Variants in SLC4A5 observed in about 807,000 individuals in gnomAD.
SLC4A5 encodes the protein solute carrier family 4 member 5.
SLC4A5 carries 96 observed loss-of-function variants against 120.4 expected under a neutral mutation model. The observed-to-expected ratio is 0.80, with a 90% confidence interval of 0.68 to 0.94. The LOEUF is 0.94. SLC4A5 is among the 40% of genes least tolerant of loss of function. The pLI is 0.00. For missense variants in SLC4A5, 1,259 were observed against 1,459.5 expected (o/e 0.86, Z 2.24); for synonymous variants, 550 against 571.1 (o/e 0.96, Z 0.53).
At chr2:74,221,558 C>A (rs1446838461) in intron 29 of SLC4A5, 57 bp from the exon 30 acceptor site, 11 of 1,540,590 alleles carry the variant, frequency 7.1e-6, no homozygotes, top group Non-Finnish European at 9.9e-6. Context: ...CATATTTCTC[C>A]GGGCTTCCCC....
intron 5 of SLC4A5, among the ~76,000 whole-genome samples, chr2:74,323,127 C>T (rs1673135401): frequency 6.6e-6 from 1 of 152,124 alleles, no homozygotes; most frequent in African/African-American, 2.4e-5. Flanking sequence ...GTAATCCCAG[C>T]TACTTGGGAG....
At chr2:74,317,933 C>A (rs1673006553) in intron 5 of SLC4A5, among the ~76,000 whole-genome samples, 1 of 152,266 alleles carries the variant, frequency 6.6e-6, no homozygotes, top group African/African-American at 2.4e-5. Context: ...CAAGAATCAC[C>A]AGAATGACAG....
chr2:74,237,865 G>C (rs574323082), intron 21 of SLC4A5, among the ~76,000 whole-genome samples: 2 of 152,282 alleles, frequency 1.3e-5, no homozygotes, highest in African/African-American at 4.8e-5. Context: ...ACTTTGGGAG[G>C]CTGAGGTGGG....
At chr2:74,329,084 C>T (rs1162231988) in intron 4 of SLC4A5, among the ~76,000 whole-genome samples, 36 of 152,032 alleles carry the variant, frequency 2.4e-4, no homozygotes, top group Admixed American at 2.2e-3. Flanking sequence ...TGGCTCTCTG[C>T]TGACAAAAGG....
At chr2:74,316,787 A>G (rs1359686493) in intron 5 of SLC4A5, among the ~76,000 whole-genome samples, 1 of 152,216 alleles carries the variant, frequency 6.6e-6, no homozygotes, top group Non-Finnish European at 1.5e-5. Flanking sequence ...CCCCTGCTCC[A>G]TAAGCCATAA....
chr2:74,279,211 T>C (rs1026401102), intron 8 of SLC4A5, among the ~76,000 whole-genome samples: 1 of 152,256 alleles, frequency 6.6e-6, no homozygotes, highest in Non-Finnish European at 1.5e-5. Flanking sequence ...GACAAGCATC[T>C]TGGAAGAACT....
At chr2:74,223,814 C>T (rs1694744930) in intron 28 of SLC4A5, among the ~76,000 whole-genome samples, 1 of 152,186 alleles carries the variant, frequency 6.6e-6, no homozygotes. Context: ...CCTGGAAGAG[C>T]ACAGTAATTA....
chr2:74,287,306 G>A (rs1277579259), intron 7 of SLC4A5, among the ~76,000 whole-genome samples: 2 of 152,146 alleles, frequency 1.3e-5, no homozygotes, highest in Admixed American at 1.3e-4. Context: ...GAGGGCTTGG[G>A]CTGGGGGATG....
chr2:74,246,565 T>C (rs1197324507), intron 19 of SLC4A5, among the ~76,000 whole-genome samples: 1 of 152,206 alleles, frequency 6.6e-6, no homozygotes, highest in Admixed American at 6.5e-5. Flanking sequence ...ACTCTGGACA[T>C]GTTTCCATCT....
At chr2:74,318,108 CAAAGT>C (rs1558912266) in intron 5 of SLC4A5, among the ~76,000 whole-genome samples, 2 of 151,844 alleles carry the variant, frequency 1.3e-5, no homozygotes, top group African/African-American at 4.8e-5. Flanking sequence ...AAACAATGAA[CAAAGT>C]AAACAGACAA....
At chr2:74,282,435 C>T (rs1671843093) in intron 8 of SLC4A5, among the ~76,000 whole-genome samples, 1 of 152,212 alleles carries the variant, frequency 6.6e-6, no homozygotes, top group African/African-American at 2.4e-5. Flanking sequence ...CTGGTTGGAG[C>T]CAGGTTATCC....
intron 5 of SLC4A5, among the ~76,000 whole-genome samples, chr2:74,319,017 T>C (rs917178129): frequency 6.6e-6 from 1 of 152,120 alleles, no homozygotes; most frequent in Non-Finnish European, 1.5e-5. Flanking sequence ...ATATATATAA[T>C]GGAATGCTAA....
intron 2 of SLC4A5, among the ~76,000 whole-genome samples, chr2:74,341,165 C>T (rs767384984): frequency 2.6e-5 from 4 of 151,906 alleles, no homozygotes; most frequent in African/African-American, 7.3e-5. Context: ...ATTAGTTGGG[C>T]GTGGTGGTGG....
intron 7 of SLC4A5, 22 bp from the exon 8 acceptor site, chr2:74,285,924 TCTG>T (rs1196503638): frequency 3.2e-6 from 5 of 1,569,392 alleles, no homozygotes; most frequent in Non-Finnish European, 4.3e-6. Context: ...GGGCAGCAGG[TCTG>T]CTGAGTGTCC....
At chr2:74,236,449 A>G (rs1287319263) in intron 21 of SLC4A5, among the ~76,000 whole-genome samples, 1 of 151,868 alleles carries the variant, frequency 6.6e-6, no homozygotes, top group East Asian at 1.9e-4. Context: ...CTATCCTCCT[A>G]CCACCTCTCT....
At chr2:74,299,514 G>A (rs1672418348) in intron 7 of SLC4A5, among the ~76,000 whole-genome samples, 1 of 152,138 alleles carries the variant, frequency 6.6e-6, no homozygotes, top group East Asian at 1.9e-4. Context: ...AGTCCATCAA[G>A]CCTCTTTTTC....
intron 8 of SLC4A5, among the ~76,000 whole-genome samples, chr2:74,284,016 T>C (rs1055556123): frequency 6.6e-6 from 1 of 151,958 alleles, no homozygotes; most frequent in Non-Finnish European, 1.5e-5. Flanking sequence ...TTTCTATTTT[T>C]ATTTTTATTT....
intron 18 of SLC4A5, among the ~76,000 whole-genome samples, chr2:74,247,762 G>A (rs773766696): frequency 1.2e-4 from 18 of 151,980 alleles, no homozygotes; most frequent in South Asian, 4.1e-4. Context: ...TGATCCGCCC[G>A]CCCCAGCCTC....
At chr2:74,236,054 G>A (rs570453608) in intron 21 of SLC4A5, among the ~76,000 whole-genome samples, 1 of 152,110 alleles carries the variant, frequency 6.6e-6, no homozygotes, top group South Asian at 2.1e-4. Context: ...ATATGTAATT[G>A]GTTAAAAACC....
Sources: gnomAD v4.1 joint callset for allele counts (sites outside exome capture counted in the v4.1 genomes callset) on GRCh38, gnomAD v4.1.1 for gene constraint, MANE v1.5 for transcripts, NCBI Gene and HGNC (gene_info 2026-07-23, HGNC 2026-07-21) for gene names.